OR10C1: variants seen among roughly 807,000 people sequenced by gnomAD.
The protein encoded by OR10C1 is olfactory receptor 10C1.
For missense variants in OR10C1, 388 were observed against 392.1 expected, an observed-to-expected ratio of 0.99 and a Z score of 0.09; for synonymous variants, 183 against 174.4, an observed-to-expected ratio of 1.05 and a Z score of -0.39.
rs2074466 is a variant in OR10C1 at position 29,440,536 on chromosome 6, C to A, written c.521C>A (p.Pro174Gln). The A allele has an allele frequency of 0.15, 240,604 of 1,613,412 alleles. 19,193 individuals carry two copies. The highest frequency in any genetic ancestry group is 0.23 in the Admixed American group (13,780 of 60,008). Residue 174 changes from proline (P) to glutamine (Q), a missense_variant, in exon 1 of 1, where the codon CCG (proline) becomes CAG (glutamine). Transcript: ENST00000444197. ...CCCTTCTGCGGCCCCAATACCATCCCGCAGTTCTTCTGTGAGATCCAGCCT... is the reference window on the plus strand; with the variant it reads ...CCCTTCTGCGGCCCCAATACCATCCAGCAGTTCTTCTGTGAGATCCAGCCT... ...SLPFCGPNTI[P>Q]QFFCEIQPVL...
chr6:29,439,904 T>C lies in OR10C1; in HGVS notation c.-112T>C. ...TGATATTCTAATAGAAAGGGAGATC[T>C]AGTGCTGCGATCAGATGCAGAGAGA... On this transcript the variant is annotated 5_prime_UTR_variant, in exon 1 of 1. Transcript: ENST00000444197. 2.6e-6 allele frequency: 2 copies of C among 763,774 alleles called. No individual in the cohort carries two copies. Among genetic ancestry groups the C allele is most frequent in the Non-Finnish European group, 2.2e-6 (1 of 461,798 alleles). 47.3% of individuals were successfully genotyped at this position (763,774 alleles called of 1,614,324 possible). A position where few individuals can be genotyped will look rare whatever the true frequency, so the allele number is the denominator to read the frequency against.
rs776539582 is a variant in OR10C1 at position 29,440,143 on chromosome 6, T to C, written c.128T>C (p.Leu43Pro). Residue 43 changes from leucine (L) to proline (P), a missense_variant, in exon 1 of 1, where the codon CTC (leucine) becomes CCC (proline). Coordinates refer to ENST00000444197, the MANE Select transcript of OR10C1 (RefSeq NM_013941.4). ...IYLLTVAGNF[L>P]IVVLVSTDAA... ...CTGCTGACCGTGGCAGGCAATTTCCTCATTGTGGTGCTGGTCTCCACTGAT... is the reference window on the plus strand; with the variant it reads ...CTGCTGACCGTGGCAGGCAATTTCCCCATTGTGGTGCTGGTCTCCACTGAT... 8 of 1,613,436 alleles carry C rather than the reference T, an allele frequency of 5.0e-6. No individual in the cohort carries two copies. The East Asian group carries it at 1.6e-4, about 31-fold the overall frequency.
At position 29,439,430 on chromosome 6, in the gene OR10C1, C is replaced by A. The variant is rs1360921266; in HGVS notation, c.-586C>A. 1 of 152,288 alleles carries A rather than the reference C, an allele frequency of 6.6e-6. No homozygotes were observed. The highest frequency in any genetic ancestry group is 2.4e-5 in the African/African-American group (1 of 41,444). The allele number at this position is 152,288 out of a possible 1,614,324, so 9.4% of individuals were successfully genotyped here. The stretch of plus-strand genomic sequence containing the variant: ...CTATAGGAGCTTAAAAAGAGAGGAT[C>A]TTTCTCATTTTTTTTCTCCTCCTTG... On this transcript the variant is annotated 5_prime_UTR_variant, in exon 1 of 1. Transcript: ENST00000444197.
rs914402261 is a variant in OR10C1 at position 29,439,978 on chromosome 6, C to A, written c.-38C>A. ...TTCCATAGTTGTGATTTTTCCTTGCCATTTCTTTTGTCTTCCAGTCAAAGG... is the reference window on the plus strand; with the variant it reads ...TTCCATAGTTGTGATTTTTCCTTGCAATTTCTTTTGTCTTCCAGTCAAAGG... On this transcript the variant is annotated 5_prime_UTR_variant, in exon 1 of 1. Coordinates refer to ENST00000444197, the MANE Select transcript of OR10C1 (RefSeq NM_013941.4). 13 of 1,538,108 alleles carry A rather than the reference C, an allele frequency of 8.5e-6. No individual in the cohort carries two copies. The highest frequency in any genetic ancestry group is 1.1e-5 in the Non-Finnish European group (12 of 1,123,306).
Position 29,440,430 on chromosome 6 carries a change from G to C in OR10C1, c.415G>C (p.Val139Leu). ...CTACCCACTGCTGCTGAGCCACCGG[G>C]TGTGTCTACAGCTAGCTGGGTCGGC... The part of the protein sequence containing the change: ...LRYPLLLSHR[V>L]CLQLAGSAWA... The change falls in exon 1 of 1, where the codon GTG becomes CTG. Residue 139 changes from valine to leucine, a missense_variant. Physicochemically the swap from Val to Leu is conservative, Grantham distance 32. Coordinates refer to ENST00000444197, the MANE Select transcript of OR10C1 (RefSeq NM_013941.4). 1.2e-6 allele frequency: 2 copies of C among 1,614,068 alleles called. No individual in the cohort carries two copies. The highest frequency in any genetic ancestry group is 4.5e-5 in the East Asian group (2 of 44,884).
chr6:29,439,593 C>G lies in OR10C1; in HGVS notation c.-423C>G. The G allele has an allele frequency of 5.8e-6, 1 of 173,532 alleles. No homozygotes were observed. Among genetic ancestry groups the G allele is most frequent in the Non-Finnish European group, 1.2e-5 (1 of 82,878 alleles). The allele number at this position is 173,532 out of a possible 1,614,324, so 10.7% of individuals were successfully genotyped here. On this transcript the variant is annotated 5_prime_UTR_variant, in exon 1 of 1. Transcript: ENST00000444197. ...AGGTCACCTCTTATCAGACAGGAGA[C>G]AAGTTGATGGAGAAAAAGATCTGCT... is the stretch of plus-strand genomic sequence containing the variant.
Position 29,440,940 on chromosome 6 carries a change from C to A in OR10C1, c.925C>A (p.Pro309Thr), listed in dbSNP as rs149013102. Reference protein sequence around the residue: ...ALKRTIQKTVPMEI With the variant: ...ALKRTIQKTVTMEI ...AAAGAGAACCATCCAGAAAACGGTGCCTATGGAGATTTGAAAAGGGGGCGA... is the reference window on the plus strand; with the variant it reads ...AAAGAGAACCATCCAGAAAACGGTGACTATGGAGATTTGAAAAGGGGGCGA... Residue 309 changes from proline to threonine, a missense_variant, in exon 1 of 1, where the codon CCT (proline) becomes ACT (threonine). By Grantham distance (38) the Pro-to-Thr change is conservative. Coordinates refer to ENST00000444197, the MANE Select transcript of OR10C1 (RefSeq NM_013941.4). 9.2e-3 allele frequency: 14,838 copies of A among 1,607,556 alleles called. 123 individuals carry two copies. Among genetic ancestry groups the A allele is most frequent in the South Asian group, 0.014 (1,282 of 90,986 alleles).
Position 29,440,950 on chromosome 6 carries a change from T to A in OR10C1, c.935T>A (p.Ile312Asn). ...RTIQKTVPME[I>N] ...ATCCAGAAAACGGTGCCTATGGAGATTTGAAAAGGGGGCGATAGTGACTTC... is the reference window on the plus strand; with the variant it reads ...ATCCAGAAAACGGTGCCTATGGAGAATTGAAAAGGGGGCGATAGTGACTTC... The change falls in exon 1 of 1, where the codon ATT becomes AAT. Residue 312 changes from isoleucine to asparagine, a missense_variant. Ile to Asn is a moderately radical substitution (Grantham distance 149). Transcript: ENST00000444197. 1.9e-6 allele frequency: 3 copies of A among 1,601,856 alleles called. No homozygotes were observed. Among genetic ancestry groups the A allele is most frequent in the Non-Finnish European group, 2.6e-6 (3 of 1,173,686 alleles).
chr6:29,440,280 C>T lies in OR10C1; in HGVS notation c.265C>T (p.Arg89Cys), dbSNP rs11755182. 4.7e-5 allele frequency: 76 copies of T among 1,613,860 alleles called. No homozygotes were observed. Among genetic ancestry groups the T allele is most frequent in the Non-Finnish European group, 3.7e-5 (44 of 1,180,040 alleles). The change falls in exon 1 of 1, where the codon CGC becomes TGC. Residue 89 changes from arginine (R) to cysteine (C), a missense_variant. Arg to Cys is a radical substitution (Grantham distance 180, BLOSUM62 -3). Coordinates refer to ENST00000444197, the MANE Select transcript of OR10C1 (RefSeq NM_013941.4). ...LLLHHLLTGR[R>C]HISRSGCALQ... ...ACTTCACCACCTCCTTACTGGCCGG[C>T]GCCACATCTCTCGCTCTGGATGTGC...
At position 29,440,939 on chromosome 6, in the gene OR10C1, G is replaced by T. The variant is rs757743502; in HGVS notation, c.924G>T (p.Val308=). Residue 308 remains valine, a synonymous_variant, in exon 1 of 1, where the codon GTG becomes GTT. Coordinates refer to ENST00000444197, the MANE Select transcript of OR10C1 (RefSeq NM_013941.4). ...TAAAGAGAACCATCCAGAAAACGGT[G>T]CCTATGGAGATTTGAAAAGGGGGCG... ...AALKRTIQKT[V]PMEI is the part of the protein sequence containing the mutation. 3.1e-6 allele frequency: 5 copies of T among 1,609,028 alleles called. No homozygotes were observed. The highest frequency in any genetic ancestry group is 1.1e-5 in the South Asian group (1 of 91,014).
rs1257539533 is a variant in OR10C1, at chr6:29,439,611, G to T, written c.-405G>T. Reference sequence around the variant, plus strand: ...CAGGAGACAAGTTGATGGAGAAAAAGATCTGCTATGAGGGAAAATTCTGTC... The same window carrying T: ...CAGGAGACAAGTTGATGGAGAAAAATATCTGCTATGAGGGAAAATTCTGTC... On this transcript the variant is annotated 5_prime_UTR_variant, in exon 1 of 1. Transcript: ENST00000444197. 5.4e-6 allele frequency: 1 copy of T among 183,906 alleles called. No individual in the cohort carries two copies. Among genetic ancestry groups the T allele is most frequent in the Non-Finnish European group, 1.1e-5 (1 of 89,690 alleles). The allele number at this position is 183,906 out of a possible 1,614,324, so 11.4% of individuals were successfully genotyped here. A position where few individuals can be genotyped will look rare whatever the true frequency, so the allele number is the denominator to read the frequency against.
Position 29,439,912 on chromosome 6 carries a change from C to A in OR10C1, c.-104C>A. 2.5e-6 allele frequency: 2 copies of A among 815,046 alleles called. No individual in the cohort carries two copies. The highest frequency in any genetic ancestry group is 4.0e-6 in the Non-Finnish European group (2 of 502,734). The allele number at this position is 815,046 out of a possible 1,614,324, so 50.5% of individuals were successfully genotyped here. ...TAATAGAAAGGGAGATCTAGTGCTG[C>A]GATCAGATGCAGAGAGAGGTCATCT... On this transcript the variant is annotated 5_prime_UTR_variant, in exon 1 of 1. Coordinates refer to ENST00000444197, the MANE Select transcript of OR10C1 (RefSeq NM_013941.4).
rs11755177 is a variant in OR10C1, at chr6:29,440,198, C to T, written c.183C>T (p.Phe61=). ...DAALQSPMYF[F]LRTLSALEIG... Reference sequence around the variant, plus strand: ...CCCTCCAGTCCCCTATGTACTTCTTCCTGCGCACCCTCTCGGCCTTGGAGA... The same window carrying T: ...CCCTCCAGTCCCCTATGTACTTCTTTCTGCGCACCCTCTCGGCCTTGGAGA... The change falls in exon 1 of 1, where the codon TTC becomes TTT. Residue 61 remains phenylalanine (F), a synonymous_variant. Coordinates refer to ENST00000444197, the MANE Select transcript of OR10C1 (RefSeq NM_013941.4). 0.014 allele frequency: 22,518 copies of T among 1,613,834 alleles called. 646 individuals carry two copies. Among genetic ancestry groups the T allele is most frequent in the African/African-American group, 0.12 (8,720 of 75,016 alleles).
Position 29,440,426 on chromosome 6 carries a change from C to G in OR10C1, c.411C>G (p.His137Gln). 6.2e-7 allele frequency: 1 copy of G among 1,614,070 alleles called. No individual in the cohort carries two copies. Among genetic ancestry groups the G allele is most frequent in the Non-Finnish European group, 8.5e-7 (1 of 1,180,020 alleles). The change falls in exon 1 of 1, where the codon CAC becomes CAG. Residue 137 changes from histidine (H) to glutamine (Q), a missense_variant. His to Gln is a conservative substitution (Grantham distance 24, BLOSUM62 0). Coordinates refer to ENST00000444197, the MANE Select transcript of OR10C1 (RefSeq NM_013941.4). ...TCCGCTACCCACTGCTGCTGAGCCA[C>G]CGGGTGTGTCTACAGCTAGCTGGGT... Reference protein sequence around the residue: ...EPLRYPLLLSHRVCLQLAGSA... With the variant: ...EPLRYPLLLSQRVCLQLAGSA...
At position 29,440,135 on chromosome 6, in the gene OR10C1, C is replaced by A. The variant is rs1197544121; in HGVS notation, c.120C>A (p.Gly40=). The A allele has an allele frequency of 1.9e-6, 3 of 1,613,478 alleles. No individual in the cohort carries two copies. Among genetic ancestry groups the A allele is most frequent in the Non-Finnish European group, 2.5e-6 (3 of 1,180,020 alleles). The change falls in exon 1 of 1, where the codon GGC becomes GGA. Residue 40 remains glycine (G), a synonymous_variant. Coordinates refer to ENST00000444197, the MANE Select transcript of OR10C1 (RefSeq NM_013941.4). ...FLTIYLLTVA[G]NFLIVVLVST... The stretch of plus-strand genomic sequence containing the variant: ...CTATCTACCTGCTGACCGTGGCAGG[C>A]AATTTCCTCATTGTGGTGCTGGTCT...
chr6:29,440,254 T>C lies in OR10C1; in HGVS notation c.239T>C (p.Leu80Pro). 1.2e-6 allele frequency: 2 copies of C among 1,614,048 alleles called. No individual in the cohort carries two copies. Among genetic ancestry groups the C allele is most frequent in the South Asian group, 1.1e-5 (1 of 91,080 alleles). ...TATACGTCTGTCACGGTCCCCCTGC[T>C]ACTTCACCACCTCCTTACTGGCCGG... ...IGYTSVTVPL[L>P]LHHLLTGRRH... The change falls in exon 1 of 1, where the codon CTA becomes CCA. Residue 80 changes from leucine (L) to proline (P), a missense_variant. Leu to Pro is a moderately conservative substitution (Grantham distance 98, BLOSUM62 -3). Transcript: ENST00000444197.
Position 29,439,853 on chromosome 6 carries a change from G to A in OR10C1, c.-163G>A. The stretch of plus-strand genomic sequence containing the variant: ...AGCAAGGGTGGAATATGGACTCCAG[G>A]CAAGGCTGCCTAATTTCAAAGTCCA... On this transcript the variant is annotated 5_prime_UTR_variant, in exon 1 of 1. Coordinates refer to ENST00000444197, the MANE Select transcript of OR10C1 (RefSeq NM_013941.4). 1.6e-6 allele frequency: 1 copy of A among 619,638 alleles called. No individual in the cohort carries two copies. The highest frequency in any genetic ancestry group is 2.7e-5 in the East Asian group (1 of 36,476). 38.4% of individuals were successfully genotyped at this position (619,638 alleles called of 1,614,324 possible).
chr6:29,440,469 G>A lies in OR10C1; in HGVS notation c.454G>A (p.Val152Met). Reference protein sequence around the residue: ...QLAGSAWACGVLVGLGHTPFI... With the variant: ...QLAGSAWACGMLVGLGHTPFI... ...AGCTGGGTCGGCGTGGGCCTGTGGG[G>A]TGCTGGTGGGGCTGGGCCACACCCC... Residue 152 changes from valine (V) to methionine (M), a missense_variant, in exon 1 of 1, where the codon GTG becomes ATG. Val to Met is a conservative substitution (Grantham distance 21). Transcript: ENST00000444197. 6.2e-7 allele frequency: 1 copy of A among 1,613,964 alleles called. No individual in the cohort carries two copies. Among genetic ancestry groups the A allele is most frequent in the Non-Finnish European group, 8.5e-7 (1 of 1,180,000 alleles).
Position 29,440,679 on chromosome 6 carries a change from G to C in OR10C1, c.664G>C (p.Val222Leu), listed in dbSNP as rs745413870. ...CCTGGGCTCCTACGGGCGTATCCTC[G>C]TTACCATCTTCCGGATCCCATCTGT... The part of the protein sequence containing the change: ...LILGSYGRIL[V>L]TIFRIPSVAG... The change falls in exon 1 of 1, where the codon GTT (valine) becomes CTT (leucine). Residue 222 changes from valine to leucine, a missense_variant. Coordinates refer to ENST00000444197, the MANE Select transcript of OR10C1 (RefSeq NM_013941.4). 1.9e-6 allele frequency: 3 copies of C among 1,614,116 alleles called. No homozygotes were observed. Among genetic ancestry groups the C allele is most frequent in the Admixed American group, 3.3e-5 (2 of 60,022 alleles).
Sources: gnomAD v4.1 joint callset for allele counts on GRCh38, gnomAD v4.1.1 for gene constraint, MANE v1.5 for transcripts, NCBI Gene and HGNC (gene_info 2026-07-23, HGNC 2026-07-21) for gene names.